The following CBFA2T2 variants were observed in gnomAD, a reference collection of about 807,000 sequenced individuals.
CBFA2T2 encodes CBFA2/RUNX1 partner transcriptional co-repressor 2, also known as protein CBFA2T2.
In CBFA2T2, 11 loss-of-function variants were observed where a neutral mutation model predicts 62.2. The ratio of observed to expected loss-of-function variants is 0.18; its 90% CI spans 0.11 to 0.29. CBFA2T2 has a LOEUF of 0.29. Ranked by LOEUF, CBFA2T2 falls within the 10% of genes least tolerant of loss-of-function variation. CBFA2T2 has a pLI of 1.00. For synonymous variants in CBFA2T2, 295 were observed against 287.5 expected (o/e 1.03, Z -0.27); for missense variants, 592 against 774.1 (o/e 0.76, Z 2.79).
At chr20:33,595,721 G>A (rs2014856801) in intron 1 of CBFA2T2, among the ~76,000 whole-genome samples, 1 of 151,628 alleles carries the variant, frequency 6.6e-6, no homozygotes, top group South Asian at 2.1e-4. Flanking sequence ...TGTATGTTTT[G>A]TAGAGATCAG....
intron 1 of CBFA2T2, among the ~76,000 whole-genome samples, chr20:33,556,606 A>AT (rs1007709809): frequency 2.3e-4 from 34 of 151,104 alleles, no homozygotes; most frequent in African/African-American, 6.8e-4. Flanking sequence ...CTAATTTTTA[A>AT]TTTTTTTTTG....
chr20:33,550,282 C>T (rs570438494), intron 1 of CBFA2T2, among the ~76,000 whole-genome samples: 2 of 152,098 alleles, frequency 1.3e-5, no homozygotes, highest in East Asian at 1.9e-4. Context: ...AATTTTTTGT[C>T]AAAATCCTCC....
chr20:33,518,583 A>G (rs576198574), intron 1 of CBFA2T2, among the ~76,000 whole-genome samples: 24 of 151,008 alleles, frequency 1.6e-4, no homozygotes, highest in African/African-American at 5.9e-4. Context: ...ATGAACATGA[A>G]GAAACTCCCT....
intron 3 of CBFA2T2, among the ~76,000 whole-genome samples, chr20:33,613,868 T>C (rs1160444454): frequency 6.6e-6 from 1 of 152,226 alleles, no homozygotes; most frequent in African/African-American, 2.4e-5. Flanking sequence ...CAAAATGTTA[T>C]GTTGATTCCA....
At chr20:33,623,682 A>G (rs1317459697) in intron 5 of CBFA2T2, 3 of 648,536 alleles carry the variant, frequency 4.6e-6, no homozygotes, top group Non-Finnish European at 8.4e-6. Context: ...TCAACCTCCC[A>G]AAGTGCTGGG....
At chr20:33,567,556 G>A (rs938574866) in intron 1 of CBFA2T2, among the ~76,000 whole-genome samples, 44 of 150,566 alleles carry the variant, frequency 2.9e-4, no homozygotes, top group African/African-American at 1.0e-3. Flanking sequence ...ATCTCTTACT[G>A]TGCCTACTTT....
chr20:33,517,957 T>C (rs550068512), intron 1 of CBFA2T2, among the ~76,000 whole-genome samples: 1 of 151,980 alleles, frequency 6.6e-6, no homozygotes, highest in South Asian at 2.1e-4. Flanking sequence ...ATTTTGCTTT[T>C]ATTTTTTTTG....
intron 1 of CBFA2T2, chr20:33,602,015 C>A (rs1802902281): frequency 6.6e-6 from 1 of 152,042 alleles, no homozygotes; most frequent in Admixed American, 6.6e-5. Context: ...CCTGTGTTGC[C>A]CAGCCTGTTC....
chr20:33,589,168 G>C (rs1448837977), intron 1 of CBFA2T2, among the ~76,000 whole-genome samples: 1 of 152,194 alleles, frequency 6.6e-6, no homozygotes, highest in Non-Finnish European at 1.5e-5. Context: ...AACAGCAGAG[G>C]ACAGTTGGAG....
chr20:33,644,366 G>A lies in CBFA2T2; in HGVS notation c.1508G>A (p.Arg503His), dbSNP rs865838928. 2.5e-6 allele frequency: 4 copies of A among 1,611,022 alleles called. No homozygotes were observed. Among genetic ancestry groups the A allele is most frequent in the South Asian group, 1.1e-5 (1 of 90,982 alleles). ...TTGCAGAACTGCTGGAACTGTGGCCGCAAAGCCAGCGAGACATGCAGTGGC... is the reference window on the plus strand; with the variant it reads ...TTGCAGAACTGCTGGAACTGTGGCCACAAAGCCAGCGAGACATGCAGTGGC... ...ESTENCWNCGRKASETCSGCN... is the reference protein window; with the variant it reads ...ESTENCWNCGHKASETCSGCN... Residue 503 changes from arginine to histidine, a missense_variant, in exon 11 of 11, where the codon CGC becomes CAC. By Grantham distance (29) the Arg-to-His change is conservative. This residue lies in a region of CBFA2T2 where 58 missense variants were observed against 123.9 expected (regional missense o/e 0.47). Transcript: ENST00000342704.
intron 1 of CBFA2T2, among the ~76,000 whole-genome samples, chr20:33,527,027 A>T (rs573073335): frequency 1.6e-4 from 25 of 152,238 alleles, no homozygotes; most frequent in Non-Finnish European, 2.2e-4. Flanking sequence ...AATTGGCAGT[A>T]AGTGACTTTT....
chr20:33,639,914 T>C (rs2016769437), intron 9 of CBFA2T2, among the ~76,000 whole-genome samples: 1 of 152,032 alleles, frequency 6.6e-6, no homozygotes, highest in South Asian at 2.1e-4. Context: ...GAAGGTCAAA[T>C]TTCTTAGTCT....
At position 33,629,813 on chromosome 20, in the gene CBFA2T2, A is replaced by G. The variant is rs764507578; in HGVS notation, c.1127A>G (p.Tyr376Cys). The G allele has an allele frequency of 6.2e-7, 1 of 1,614,072 alleles. No homozygotes were observed. Residue 376 changes from tyrosine (Y) to cysteine (C), a missense_variant, in exon 8 of 11, where the codon TAC becomes TGC. Coordinates refer to ENST00000342704, the MANE Select transcript of CBFA2T2 (RefSeq NM_001032999.3). Reference protein sequence around the residue: ...CQESDREELNYWKRRYNENTE... With the variant: ...CQESDREELNCWKRRYNENTE... The stretch of plus-strand genomic sequence containing the variant: ...GAATCAGATCGTGAAGAACTCAACT[A>G]CTGGAAAAGACGGTACAATGAAAAC...
intron 1 of CBFA2T2, among the ~76,000 whole-genome samples, chr20:33,495,623 G>A (rs536982451): frequency 7.3e-5 from 11 of 150,134 alleles, no homozygotes; most frequent in South Asian, 2.1e-4. Flanking sequence ...AAGAAACTGC[G>A]GAGGTTGCAG....
Position 33,644,802 on chromosome 20 carries a change from G to A in CBFA2T2, c.*156G>A. On this transcript the variant is annotated 3_prime_UTR_variant, in exon 11 of 11. Coordinates refer to ENST00000342704, the MANE Select transcript of CBFA2T2 (RefSeq NM_001032999.3). ...CAAGCCTGAATAATAACACCCCACA[G>A]CCTCTCTGTGCACTTGCTGTCTGCG... 1 of 744,332 alleles carries A rather than the reference G, an allele frequency of 1.3e-6. No homozygotes were observed. 46.1% of individuals were successfully genotyped at this position (744,332 alleles called of 1,614,324 possible). A position where few individuals can be genotyped will look rare whatever the true frequency, so the allele number is the denominator to read the frequency against.
intron 3 of CBFA2T2, among the ~76,000 whole-genome samples, chr20:33,616,463 A>G (rs907067247): frequency 1.3e-5 from 2 of 152,216 alleles, no homozygotes; most frequent in Non-Finnish European, 2.9e-5. Flanking sequence ...TTAGTTTCCT[A>G]GTTTTGAGAT....
At position 33,504,403 on chromosome 20, in the gene CBFA2T2, C is replaced by CTT. The variant is rs533648842; in HGVS notation, c.34+14124_34+14125dup. Among the ~76,000 whole-genome samples, 552 of 117,526 alleles carry CTT rather than the reference C, an allele frequency of 4.7e-3. 11 individuals are homozygous for CTT. Among genetic ancestry groups the CTT allele is most frequent in the African/African-American group, 0.016 (495 of 30,294 alleles). 77.1% of individuals were successfully genotyped at this position (117,526 alleles called of 152,430 possible). ...GGTTCTATGATAATTTCATATTTAA[C>CTT]TTTTTTTTTTTTTTTTTTTTTTTAA... On this transcript the variant is annotated intron_variant, in intron 1 of 10. Coordinates refer to ENST00000342704, the MANE Select transcript of CBFA2T2 (RefSeq NM_001032999.3).
intron 1 of CBFA2T2, among the ~76,000 whole-genome samples, chr20:33,491,483 G>C (rs2011145916): frequency 6.6e-6 from 1 of 152,108 alleles, no homozygotes; most frequent in African/African-American, 2.4e-5. Flanking sequence ...CTGAGTACTA[G>C]TCTCAGAGCT....
chr20:33,633,955 A>AT (rs892099874), intron 8 of CBFA2T2, among the ~76,000 whole-genome samples: 2 of 151,660 alleles, frequency 1.3e-5, no homozygotes, highest in East Asian at 1.9e-4. Flanking sequence ...TGCAAGTAAA[A>AT]TTTTTTTTTG....
Sources: gnomAD v4.1 joint callset for allele counts (sites outside exome capture counted in the v4.1 genomes callset) on GRCh38, gnomAD v4.1.1 for gene constraint, gnomAD v4.1.1 regional missense constraint, MANE v1.5 for transcripts, NCBI Gene and HGNC (gene_info 2026-07-23, HGNC 2026-07-21) for gene names.